Variants in STK33 observed in about 807,000 individuals in gnomAD.
STK33 encodes serine/threonine kinase 33.
A neutral mutation model predicts 58.0 loss-of-function variants in STK33; 52 were observed. The ratio of observed to expected loss-of-function variants is 0.90; its 90% CI spans 0.72 to 1.13. STK33 has a LOEUF of 1.13. Ranked by LOEUF, STK33 falls within the 50% of genes most tolerant of loss-of-function variation. The probability of loss-of-function intolerance (pLI) is 0.00; values close to 1 mark genes in which losing one functional copy is unlikely to be tolerated. For missense variants in STK33, 630 were observed against 604.2 expected (o/e 1.04, Z -0.45); for synonymous variants, 215 against 200.1 (o/e 1.07, Z -0.63).
chr11:8,439,869 T>TTATTTATATATATATATA, intron 12 of STK33, among the ~76,000 whole-genome samples: 1 of 107,258 alleles, frequency 9.3e-6, no homozygotes, highest in East Asian at 3.1e-4. Context: ...TATATTATAA[T>TTATTTATATATATATATA]TATATATATA....
intron 14 of STK33, among the ~76,000 whole-genome samples, chr11:8,426,649 G>A (rs570000685): frequency 6.6e-6 from 1 of 152,050 alleles, no homozygotes; most frequent in Non-Finnish European, 1.5e-5. Flanking sequence ...TTTTTTCAAA[G>A]AACCAAATAC....
chr11:8,583,164 G>T (rs936732717), intron 1 of STK33, among the ~76,000 whole-genome samples: 1 of 152,116 alleles, frequency 6.6e-6, no homozygotes, highest in African/African-American at 2.4e-5. Context: ...TTCTTTAACA[G>T]GTTTCTGCCT....
intron 15 of STK33, among the ~76,000 whole-genome samples, chr11:8,399,263 CTG>C (rs1485485718): frequency 1.3e-5 from 2 of 152,328 alleles, no homozygotes; most frequent in East Asian, 3.9e-4. Flanking sequence ...TTATAACAAA[CTG>C]TCTCTCAGAC....
chr11:8,469,368 CAATTCT>C (rs1948553926), intron 6 of STK33, among the ~76,000 whole-genome samples: 1 of 152,202 alleles, frequency 6.6e-6, no homozygotes, highest in Non-Finnish European at 1.5e-5. Context: ...CCATAAGAAG[CAATTCT>C]TCACTCATTC....
chr11:8,435,478 T>G lies in STK33; in HGVS notation c.1146+16A>C. ...TGGTAGCATGTCAGAAAGAAAAAAG[T>G]AATATTGTAACTTACTGTTAACCAC... On this transcript the variant is annotated intron_variant, in intron 14 of 15. Transcript: ENST00000687296. The G allele has an allele frequency of 7.5e-7, 1 of 1,333,986 alleles. No individual in the cohort carries two copies. Among genetic ancestry groups the G allele is most frequent in the Non-Finnish European group, 9.9e-7 (1 of 1,008,178 alleles). The allele number at this position is 1,333,986 out of a possible 1,614,324, so 82.6% of individuals were successfully genotyped here.
intron 8 of STK33, among the ~76,000 whole-genome samples, chr11:8,458,334 T>C (rs1947122298): frequency 1.3e-5 from 2 of 151,826 alleles, no homozygotes; most frequent in Admixed American, 1.3e-4. Flanking sequence ...AAATTTCAGG[T>C]TTATAGAATT....
chr11:8,380,849 C>T, the STK33 span, among the ~76,000 whole-genome samples: 5 of 152,254 alleles, frequency 3.3e-5, no homozygotes, highest in East Asian at 9.6e-4. Flanking sequence ...GCCCATCAAC[C>T]AATGAGTGCA....
chr11:8,376,939 T>C, the STK33 span, among the ~76,000 whole-genome samples: 1 of 152,190 alleles, frequency 6.6e-6, no homozygotes, highest in Non-Finnish European at 1.5e-5. Context: ...CTCAACAGTC[T>C]GACTGGGCAG....
the STK33 span, among the ~76,000 whole-genome samples, chr11:8,350,775 A>G: frequency 6.6e-6 from 1 of 152,102 alleles, no homozygotes; most frequent in African/African-American, 2.4e-5. Flanking sequence ...GCAGGCAGAG[A>G]GGGGAAGAGA....
At chr11:8,351,987 G>A in the STK33 span, among the ~76,000 whole-genome samples, 2 of 152,214 alleles carry the variant, frequency 1.3e-5, no homozygotes, top group Non-Finnish European at 2.9e-5. Context: ...ATACCAGCAG[G>A]AGAAATACCA....
chr11:8,498,084 T>C (rs76643034), intron 1 of STK33, among the ~76,000 whole-genome samples: 2,778 of 152,302 alleles, frequency 0.018, 92 homozygotes, highest in African/African-American at 0.062. Context: ...GTATACTATA[T>C]TAATGCAATA....
At chr11:8,366,071 C>T in the STK33 span, among the ~76,000 whole-genome samples, 1 of 152,220 alleles carries the variant, frequency 6.6e-6, no homozygotes, top group Non-Finnish European at 1.5e-5. Flanking sequence ...GGAAGACTTT[C>T]TCACGGCACA....
intron 11 of STK33, among the ~76,000 whole-genome samples, chr11:8,448,024 C>T (rs1004845935): frequency 6.6e-6 from 1 of 152,148 alleles, no homozygotes; most frequent in Non-Finnish European, 1.5e-5. Context: ...TAGTGAACTC[C>T]CATTCACAAT....
Position 8,542,829 on chromosome 11 carries a change from T to C in STK33, c.-466+51254A>G, listed in dbSNP as rs368102479. On this transcript the variant is annotated intron_variant, in intron 1 of 15. Coordinates refer to ENST00000687296, the MANE Select transcript of STK33 (RefSeq NM_001352389.2). ...GGCTCAAGAGATCCTCCCCACTTAG[T>C]CTCCTGAGTAGCTGAGACTACAGGT... Among the ~76,000 whole-genome samples, 146 of 152,102 alleles carry C rather than the reference T, an allele frequency of 9.6e-4. 1 individual carries two copies. The highest frequency in any genetic ancestry group is 3.3e-3 in the African/African-American group (137 of 41,522).
chr11:8,395,915 G>C (rs189126536), intron 15 of STK33, among the ~76,000 whole-genome samples: 3 of 152,270 alleles, frequency 2.0e-5, no homozygotes, highest in African/African-American at 4.8e-5. Context: ...CTTACCAGTA[G>C]CATACAAGAG....
At position 8,413,669 on chromosome 11, in the gene STK33, T is replaced by A. The variant is rs750020482; in HGVS notation, c.1170A>T (p.Arg390Ser). 1 of 1,613,848 alleles carries A rather than the reference T, an allele frequency of 6.2e-7. No homozygotes were observed. The highest frequency in any genetic ancestry group is 8.5e-7 in the Non-Finnish European group (1 of 1,179,914). The part of the protein sequence containing the change: ...WLTGNKLSSV[R>S]PTNVLEMMKE... ...TCATCATCTCTAATACATTGGTTGG[T>A]CTCACCGAAGAAAGTTTATTGCCCT... The change falls in exon 15 of 16, where the codon AGA becomes AGT. Residue 390 changes from arginine to serine, a missense_variant. Physicochemically the swap from Arg to Ser is moderately radical, Grantham distance 110. Transcript: ENST00000687296.
At chr11:8,450,111 G>A (rs1462048151) in intron 11 of STK33, among the ~76,000 whole-genome samples, 2 of 152,232 alleles carry the variant, frequency 1.3e-5, no homozygotes, top group Non-Finnish European at 2.9e-5. Flanking sequence ...GCACACTTAT[G>A]TTTATTGCGA....
At chr11:8,473,342 TCCTA>T in intron 5 of STK33, 66 bp from the exon 6 acceptor site, 2 of 956,890 alleles carry the variant, frequency 2.1e-6, no homozygotes, top group Non-Finnish European at 3.3e-6. Flanking sequence ...TGACAAAGAA[TCCTA>T]ATTTAGATAA....
intron 1 of STK33, among the ~76,000 whole-genome samples, chr11:8,504,054 T>C (rs939963920): frequency 2.6e-5 from 4 of 152,198 alleles, no homozygotes; most frequent in African/African-American, 7.2e-5. Flanking sequence ...TGGCTAAAAA[T>C]AGTCATTTGT....
Sources: gnomAD v4.1 joint callset for allele counts (sites outside exome capture counted in the v4.1 genomes callset) on GRCh38, gnomAD v4.1.1 for gene constraint, MANE v1.5 for transcripts, NCBI Gene and HGNC (gene_info 2026-07-23, HGNC 2026-07-21) for gene names.